The following GNAO1 variants were observed in gnomAD, a reference collection of about 807,000 sequenced individuals.
The protein encoded by GNAO1 is guanine nucleotide-binding protein G(o) subunit alpha.
For missense variants in GNAO1, 166 were observed against 478.7 expected, an observed-to-expected ratio of 0.35 and a Z score of 6.10; for synonymous variants, 164 against 180.7, an observed-to-expected ratio of 0.91 and a Z score of 0.74.
chr16:56,203,840 G>T (rs2036302029), intron 2 of GNAO1, among the ~76,000 whole-genome samples: 1 of 152,190 alleles, frequency 6.6e-6, no homozygotes, highest in Admixed American at 6.5e-5. Flanking sequence ...TAGTGGGCAG[G>T]CTCATGTGGC....
intron 3 of GNAO1, 51 bp from the exon 4 acceptor site, chr16:56,328,580 T>A: frequency 6.3e-7 from 1 of 1,583,750 alleles, no homozygotes; most frequent in Non-Finnish European, 8.6e-7. Context: ...CTGGCAGAGG[T>A]CTTCTGTCCC....
chr16:56,329,320 G>A (rs1314593277), intron 4 of GNAO1: 1 of 152,180 alleles, frequency 6.6e-6, no homozygotes, highest in Non-Finnish European at 1.5e-5. Flanking sequence ...AACTAAATAA[G>A]GGGGATGACA....
chr16:56,220,963 G>A (rs181641557), intron 2 of GNAO1, among the ~76,000 whole-genome samples: 161 of 152,188 alleles, frequency 1.1e-3, no homozygotes, highest in African/African-American at 3.7e-3. Context: ...GGCCAGGCTG[G>A]TCTTGAACTC....
intron 3 of GNAO1, among the ~76,000 whole-genome samples, chr16:56,321,530 C>T (rs1277439030): frequency 6.6e-6 from 1 of 152,194 alleles, no homozygotes; most frequent in Non-Finnish European, 1.5e-5. Flanking sequence ...CCACCCCAGA[C>T]TCTTCACAGG....
intron 2 of GNAO1, 85 bp downstream of exon 2, chr16:56,192,701 T>G (rs1596787922): frequency 1.4e-5 from 11 of 810,696 alleles, no homozygotes; most frequent in Non-Finnish European, 1.7e-5. Context: ...TCCACATTGC[T>G]CTCCAGGCCT....
At chr16:56,338,272 G>C (rs2037762436) in intron 6 of GNAO1, among the ~76,000 whole-genome samples, 1 of 152,212 alleles carries the variant, frequency 6.6e-6, no homozygotes, top group East Asian at 1.9e-4. Flanking sequence ...CTGTACCCCT[G>C]ACTTGGGTTT....
chr16:56,342,196 G>T (rs1390934112), intron 6 of GNAO1, among the ~76,000 whole-genome samples: 2 of 152,220 alleles, frequency 1.3e-5, no homozygotes, highest in Non-Finnish European at 2.9e-5. Context: ...GGGTCGGTCA[G>T]TTACCAAGGC....
At chr16:56,211,978 G>C (rs531393857) in intron 2 of GNAO1, among the ~76,000 whole-genome samples, 1 of 152,274 alleles carries the variant, frequency 6.6e-6, no homozygotes, top group African/African-American at 2.4e-5. Flanking sequence ...GAGGAATAAT[G>C]GGGGAAAGGA....
intron 2 of GNAO1, among the ~76,000 whole-genome samples, chr16:56,208,464 T>C (rs199712151): frequency 0.012 from 1,414 of 115,960 alleles, 24 homozygotes; most frequent in African/African-American, 0.045. Context: ...CGCGCGCACG[T>C]GTGTGTGTGT....
chr16:56,256,531 C>T (rs1188849077), intron 2 of GNAO1, among the ~76,000 whole-genome samples: 3 of 152,170 alleles, frequency 2.0e-5, no homozygotes, highest in African/African-American at 7.2e-5. Flanking sequence ...CATGTACCCC[C>T]ATCTGCCCAA....
Position 56,192,371 on chromosome 16 carries a change from T to C in GNAO1, c.118+18T>C, listed in dbSNP as rs760689463. 7.0e-7 allele frequency: 1 copy of C among 1,428,008 alleles called. No homozygotes were observed. The highest frequency in any genetic ancestry group is 1.1e-5 in the South Asian group (1 of 87,288). The allele number at this position is 1,428,008 out of a possible 1,614,324, so 88.5% of individuals were successfully genotyped here. A position where few individuals can be genotyped will look rare whatever the true frequency, so the allele number is the denominator to read the frequency against. The stretch of plus-strand genomic sequence containing the variant: ...CCTGCTCGGTAAGGACCGCCGCTGC[T>C]ACCCCCATCCCCCGACCCCGGCCAC... On this transcript the variant is annotated intron_variant, in intron 1 of 8. Coordinates refer to ENST00000262493, the MANE Select transcript of GNAO1 (RefSeq NM_020988.3).
intron 2 of GNAO1, among the ~76,000 whole-genome samples, chr16:56,246,135 A>G (rs1208981727): frequency 1.3e-5 from 2 of 152,142 alleles, no homozygotes; most frequent in Non-Finnish European, 2.9e-5. Flanking sequence ...CTCAGGGCAC[A>G]TGCCTGTCTG....
chr16:56,235,460 G>A (rs2036629462), intron 2 of GNAO1: 18 of 454,552 alleles, frequency 4.0e-5, no homozygotes, highest in South Asian at 2.6e-4. Context: ...GCTGCAGCCT[G>A]TGCCTGTCTA....
chr16:56,241,502 G>A (rs1596816357), intron 2 of GNAO1, among the ~76,000 whole-genome samples: 5 of 152,138 alleles, frequency 3.3e-5, no homozygotes, highest in African/African-American at 1.2e-4. Context: ...GAAACAAATA[G>A]TCTGTTATAG....
At chr16:56,347,858 C>T in intron 6 of GNAO1, 2 of 983,578 alleles carry the variant, frequency 2.0e-6, no homozygotes, top group Non-Finnish European at 2.4e-6. Context: ...CCTCCTGCCT[C>T]CTGGTCTTCT....
intron 2 of GNAO1, among the ~76,000 whole-genome samples, chr16:56,238,861 GTTTC>G (rs2036667259): frequency 6.6e-6 from 1 of 152,206 alleles, no homozygotes; most frequent in Non-Finnish European, 1.5e-5. Flanking sequence ...GGGTATATAT[GTTTC>G]TAGACTTCTT....
chr16:56,241,595 C>T lies in GNAO1; in HGVS notation c.162-34336C>T, dbSNP rs148878574. On this transcript the variant is annotated intron_variant, in intron 2 of 8. Coordinates refer to ENST00000262493, the MANE Select transcript of GNAO1 (RefSeq NM_020988.3). ...ATTTAAGGCAACAATGTAAAATTTCCTTTTTAAATAATAACAAATAATAAT... is the reference window on the plus strand; with the variant it reads ...ATTTAAGGCAACAATGTAAAATTTCTTTTTTAAATAATAACAAATAATAAT... Among the ~76,000 whole-genome samples the T allele has an allele frequency of 1.6e-3, 237 of 152,202 alleles. 9 individuals are homozygous for T. In the East Asian group the frequency reaches 0.041, roughly 26 times the overall value.
chr16:56,341,259 G>A (rs776542706), intron 6 of GNAO1, among the ~76,000 whole-genome samples: 6 of 152,208 alleles, frequency 3.9e-5, no homozygotes, highest in East Asian at 1.9e-4. Flanking sequence ...CACTGTCTGC[G>A]CACAGGGGCT....
At chr16:56,286,695 CTGTGTGTGTGTGTGTGTG>C (rs57968280) in intron 3 of GNAO1, among the ~76,000 whole-genome samples, 1 of 144,892 alleles carries the variant, frequency 6.9e-6, no homozygotes. Flanking sequence ...TCTGTCGCCT[CTGTGTGTGTGTGTGTGTG>C]TGTGTGTGTG....
Sources: allele counts gnomAD v4.1 joint callset (sites outside exome capture counted in the v4.1 genomes callset), GRCh38; gene constraint gnomAD v4.1.1; transcripts MANE v1.5; gene names NCBI Gene and HGNC (gene_info 2026-07-23, HGNC 2026-07-21).